SGO2: variants seen among roughly 807,000 people sequenced by gnomAD.
SGO2 encodes shugoshin 2, also known as shugoshin-like 2.
A neutral mutation model predicts 99.5 loss-of-function variants in SGO2; 68 were observed. The ratio of observed to expected loss-of-function variants is 0.68; its 90% CI spans 0.56 to 0.84. The LOEUF is 0.84. Among genes scored for constraint, SGO2 ranks in the 40% least tolerant of loss-of-function variants. SGO2 has a pLI of 0.00. For missense variants in SGO2, 1,350 were observed against 1,436.7 expected, an observed-to-expected ratio of 0.94 and a Z score of 0.97; for synonymous variants, 457 against 487.1, an observed-to-expected ratio of 0.94 and a Z score of 0.81.
intron 4 of SGO2, among the ~76,000 whole-genome samples, chr2:200,538,432 A>C (rs1185295825): frequency 6.6e-6 from 1 of 151,414 alleles, no homozygotes; most frequent in Non-Finnish European, 1.5e-5. Flanking sequence ...AAATTTAAAC[A>C]CTCCTCACCC....
Position 200,573,447 on chromosome 2 carries a change from C to A in SGO2, c.3101C>A (p.Pro1034Gln), listed in dbSNP as rs1486445737. 3.1e-6 allele frequency: 5 copies of A among 1,609,888 alleles called. No individual in the cohort carries two copies. In the African/African-American group the frequency reaches 4.0e-5, roughly 13 times the overall value. ...ATTACTAGTGAAGCAGATTCTGATCCAGGAAACCCAGTTGAACTATGTAAG... is the reference window on the plus strand; with the variant it reads ...ATTACTAGTGAAGCAGATTCTGATCAAGGAAACCCAGTTGAACTATGTAAG... ...KHITSEADSD[P>Q]GNPVELCKTQ... The change falls in exon 7 of 9, where the codon CCA (proline) becomes CAA (glutamine). Residue 1034 changes from proline to glutamine, a missense_variant. Transcript: ENST00000357799.
rs1376075432 is a variant in SGO2, at chr2:200,534,160, A to G, written c.134-836A>G. Among the ~76,000 whole-genome samples the G allele has an allele frequency of 2.0e-5, 3 of 152,306 alleles. No individual in the cohort carries two copies. The East Asian group carries it at 5.8e-4, about 29-fold the overall frequency. ...TTAAATTTTATAAAACTTATTTCAC[A>G]TACACTAGACTTTTATTCAGTGGCA... On this transcript the variant is annotated intron_variant, in intron 2 of 8. Coordinates refer to ENST00000357799, the MANE Select transcript of SGO2 (RefSeq NM_152524.6).
At chr2:200,566,611 C>T (rs1290321083) in intron 5 of SGO2, among the ~76,000 whole-genome samples, 3 of 152,170 alleles carry the variant, frequency 2.0e-5, no homozygotes, top group African/African-American at 7.2e-5. Flanking sequence ...CAGACAGGGA[C>T]GTTTAAGTCT....
intron 5 of SGO2, among the ~76,000 whole-genome samples, chr2:200,556,720 A>G (rs571648965): frequency 6.6e-6 from 1 of 152,334 alleles, no homozygotes; most frequent in Non-Finnish European, 1.5e-5. Context: ...TACCCTTCCC[A>G]GAAGGACCTT....
At chr2:200,549,254 C>T (rs2032364230) in intron 5 of SGO2, among the ~76,000 whole-genome samples, 1 of 152,026 alleles carries the variant, frequency 6.6e-6, no homozygotes, top group African/African-American at 2.4e-5. Context: ...TGCACTCCAG[C>T]TTTGGTGATG....
intron 3 of SGO2, 49 bp downstream of exon 3, chr2:200,535,220 T>C: frequency 7.3e-7 from 1 of 1,372,884 alleles, no homozygotes; most frequent in Middle Eastern, 2.6e-4. Context: ...TTAAATCTTT[T>C]AGCTGCATTA....
At chr2:200,579,599 C>G (rs1015136627) in intron 8 of SGO2, among the ~76,000 whole-genome samples, 1 of 152,118 alleles carries the variant, frequency 6.6e-6, no homozygotes, top group African/African-American at 2.4e-5. Context: ...AAGGCTTGTT[C>G]AGCATTTATG....
At chr2:200,527,422 G>A (rs2031153506) in intron 1 of SGO2, among the ~76,000 whole-genome samples, 1 of 152,142 alleles carries the variant, frequency 6.6e-6, no homozygotes, top group Non-Finnish European at 1.5e-5. Flanking sequence ...GAGTTTCTGT[G>A]TTCTACTGTC....
intron 1 of SGO2, among the ~76,000 whole-genome samples, chr2:200,529,686 C>T (rs1486219302): frequency 6.6e-6 from 1 of 152,132 alleles, no homozygotes; most frequent in Non-Finnish European, 1.5e-5. Context: ...GCCACCACAC[C>T]TAACTAATTT....
In SGO2 at chr2:200,572,390, G is replaced by A. The variant is rs1207318175; in HGVS notation, c.2044G>A (p.Asp682Asn). ...LSTRDNENQCDYRTQNVLGLQ... is the reference protein window; with the variant it reads ...LSTRDNENQCNYRTQNVLGLQ... ...TACTAGAGATAATGAAAATCAATGT[G>A]ACTATAGGACCCAGAATGTGTTGGG... Residue 682 changes from aspartate (D) to asparagine (N), a missense_variant, in exon 7 of 9, where the codon GAC becomes AAC. Coordinates refer to ENST00000357799, the MANE Select transcript of SGO2 (RefSeq NM_152524.6). 4 of 1,613,246 alleles carry A rather than the reference G, an allele frequency of 2.5e-6. No individual in the cohort carries two copies. Among genetic ancestry groups the A allele is most frequent in the Non-Finnish European group, 3.4e-6 (4 of 1,179,604 alleles).
rs949885524 is a variant in SGO2, at chr2:200,570,794, A to C, written c.704-256A>C. On this transcript the variant is annotated intron_variant, in intron 6 of 8. Transcript: ENST00000357799. This position sits in a 1 kb window ranked among gnomAD's most constrained non-coding sequence, Gnocchi z 4.4. The stretch of plus-strand genomic sequence containing the variant: ...ATGGTTCTACTGTTGGCTGTACTCC[A>C]CTCTACTGTTGGGGCTGAGGCAGAA... 2.6e-5 allele frequency among the ~76,000 whole-genome samples: 4 copies of C among 151,568 alleles called. No individual in the cohort carries two copies. Among genetic ancestry groups the C allele is most frequent in the African/African-American group, 9.7e-5 (4 of 41,252 alleles).
intron 8 of SGO2, among the ~76,000 whole-genome samples, chr2:200,582,030 A>G (rs2033855978): frequency 6.6e-6 from 1 of 152,132 alleles, no homozygotes; most frequent in Non-Finnish European, 1.5e-5. Flanking sequence ...TTCATCTAAA[A>G]ACCACATTTA....
chr2:200,569,607 T>C, intron 5 of SGO2, 56 bp from the exon 6 acceptor site: 2 of 1,346,464 alleles, frequency 1.5e-6, no homozygotes, highest in Non-Finnish European at 2.0e-6. Flanking sequence ...TGCCCATGCA[T>C]TTAAAGAAAA....
chr2:200,571,216 C>G lies in SGO2; in HGVS notation c.870C>G (p.Pro290=). ...CAAATAATCTTTCTGCAGACACTCC[C>G]TGTGCAACAGTTTTAGATAAACAAC... The part of the protein sequence containing the change: ...WESNNLSADT[P]CATVLDKQHI... The change falls in exon 7 of 9, where the codon CCC becomes CCG. Residue 290 remains proline (P), a synonymous_variant. Coordinates refer to ENST00000357799, the MANE Select transcript of SGO2 (RefSeq NM_152524.6). The G allele has an allele frequency of 1.2e-6, 2 of 1,613,622 alleles. No homozygotes were observed. Among genetic ancestry groups the G allele is most frequent in the Non-Finnish European group, 1.7e-6 (2 of 1,179,668 alleles).
intron 8 of SGO2, among the ~76,000 whole-genome samples, chr2:200,580,978 T>G (rs2033824732): frequency 6.6e-6 from 1 of 152,224 alleles, no homozygotes; most frequent in Admixed American, 6.5e-5. Flanking sequence ...TCCTTTTCTT[T>G]AGGAGTTATT....
intron 8 of SGO2, among the ~76,000 whole-genome samples, chr2:200,576,327 G>C (rs2033662412): frequency 6.6e-6 from 1 of 151,368 alleles, no homozygotes; most frequent in Admixed American, 6.6e-5. Flanking sequence ...TGTAATCCCA[G>C]CACTGTGGGA....
rs1035034027 is a variant in SGO2, at chr2:200,570,766, C to G, written c.704-284C>G. On this transcript the variant is annotated intron_variant, in intron 6 of 8. Transcript: ENST00000357799. The surrounding 1 kb of genome is among the most constrained non-coding windows in gnomAD (Gnocchi z 4.4). ...CCTCCTTTCACTCTAGAAATGTATG[C>G]TAATGGTTCTACTGTTGGCTGTACT... Among the ~76,000 whole-genome samples the G allele has an allele frequency of 6.6e-5, 10 of 151,894 alleles. No individual in the cohort carries two copies. Among genetic ancestry groups the G allele is most frequent in the African/African-American group, 2.4e-4 (10 of 41,458 alleles).
At chr2:200,568,495 G>C (rs2033277388) in intron 5 of SGO2, among the ~76,000 whole-genome samples, 1 of 152,152 alleles carries the variant, frequency 6.6e-6, no homozygotes. Flanking sequence ...TTTATCCTTA[G>C]ATAGCTGCTT....
rs1332549906 is a variant in SGO2, at chr2:200,571,652, T to G, written c.1306T>G (p.Ser436Ala). ...GEKIENRTERSDVLDGKRGAE... is the reference protein window; with the variant it reads ...GEKIENRTERADVLDGKRGAE... ...AAAGATTGAAAACAGGACAGAAAGA[T>G]CTGATGTCCTGGATGGCAAAAGGGG... Residue 436 changes from serine to alanine, a missense_variant, in exon 7 of 9, where the codon TCT becomes GCT. Physicochemically the swap from Ser to Ala is moderately conservative, Grantham distance 99 (BLOSUM62 1). Coordinates refer to ENST00000357799, the MANE Select transcript of SGO2 (RefSeq NM_152524.6). 6.2e-7 allele frequency: 1 copy of G among 1,613,482 alleles called. No homozygotes were observed. Among genetic ancestry groups the G allele is most frequent in the South Asian group, 1.1e-5 (1 of 90,992 alleles).
Sources: allele counts gnomAD v4.1 joint callset (sites outside exome capture counted in the v4.1 genomes callset), GRCh38; gene constraint gnomAD v4.1.1; non-coding constraint Gnocchi (gnomAD v3.1); transcripts MANE v1.5; gene names NCBI Gene and HGNC (gene_info 2026-07-23, HGNC 2026-07-21).